The following RASSF3 variants were observed in gnomAD, a reference collection of about 807,000 sequenced individuals.
The protein encoded by RASSF3 is Ras association domain family member 3, also known as ras association domain-containing protein 3.
RASSF3 carries 19 observed loss-of-function variants against 19.9 expected under a neutral mutation model. That is an observed-to-expected ratio of 0.96 (90% confidence interval 0.67 to 1.40). The LOEUF is 1.40. Ranked by LOEUF, RASSF3 falls within the 40% of genes most tolerant of loss-of-function variation. The pLI is 0.00. For missense variants in RASSF3, 306 were observed against 289.8 expected (o/e 1.06, Z -0.41); for synonymous variants, 110 against 104.2 (o/e 1.06, Z -0.34).
Position 64,552,525 on chromosome 12 carries a change from C to T in RASSF3, c.294+10820C>T, listed in dbSNP as rs116761885. Among the ~76,000 whole-genome samples the T allele has an allele frequency of 1.4e-3, 217 of 152,218 alleles. 1 individual carries two copies. Among genetic ancestry groups the T allele is most frequent in the African/African-American group, 4.7e-3 (197 of 41,516 alleles). On this transcript the variant is annotated intron_variant, in intron 2 of 5. Transcript: ENST00000637125. The stretch of plus-strand genomic sequence containing the variant: ...CTATTTTTCCTAAGGCTCTCCCTCC[C>T]GCTACCCCACCTCCTGACAGGCCCC...
At chr12:64,524,944 T>C (rs1868554324) in intron 1 of RASSF3, among the ~76,000 whole-genome samples, 1 of 152,150 alleles carries the variant, frequency 6.6e-6, no homozygotes, top group South Asian at 2.1e-4. Context: ...AATATTTTCT[T>C]TCATTTGCTC....
rs1868352134 is a variant in RASSF3, at chr12:64,696,045, T to TC, written c.*1134dup. On this transcript the variant is annotated 3_prime_UTR_variant, in exon 5 of 5. Coordinates refer to ENST00000542104, the MANE Select transcript of RASSF3 (RefSeq NM_178169.4). ...TTTCCTTTTCCTTTCTTCCCTTTTT[T>TC]CTTTCCTTCCCTGCTGTCTCCCACC... 6.8e-6 allele frequency: 1 copy of TC among 147,194 alleles called. No individual in the cohort carries two copies. The highest frequency in any genetic ancestry group is 1.5e-5 in the Non-Finnish European group (1 of 66,776). 9.1% of individuals were successfully genotyped at this position (147,194 alleles called of 1,614,324 possible).
chr12:64,566,983 T>C (rs1869442912), intron 2 of RASSF3, among the ~76,000 whole-genome samples: 1 of 152,246 alleles, frequency 6.6e-6, no homozygotes, highest in South Asian at 2.1e-4. Context: ...TCCTATCCTT[T>C]GGCAGATCAG....
chr12:64,682,435 C>T (rs575512660), intron 1 of RASSF3, among the ~76,000 whole-genome samples: 100 of 151,936 alleles, frequency 6.6e-4, no homozygotes, highest in African/African-American at 2.0e-3. Context: ...GGCGTGGTGG[C>T]GGGCGCCTGT....
At chr12:64,556,868 G>T (rs1253211740) in intron 2 of RASSF3, among the ~76,000 whole-genome samples, 13 of 112,748 alleles carry the variant, frequency 1.2e-4, no homozygotes, top group Admixed American at 4.9e-4. Flanking sequence ...GACAAGTCTT[G>T]CTCCGTCGCC....
chr12:64,610,567 C>T lies in RASSF3; in HGVS notation c.-66C>T, dbSNP rs1016062231. ...CCGGGAACCTCGCGGGGCTGGCGGG[C>T]GCCGCACCCCCTCCCTGGCCGCCTG... On this transcript the variant is annotated 5_prime_UTR_variant, in exon 1 of 5. Transcript: ENST00000542104. The T allele has an allele frequency of 2.2e-4, 183 of 820,912 alleles. 1 individual carries two copies. The highest frequency in any genetic ancestry group is 2.9e-4 in the Non-Finnish European group (177 of 605,588). 50.9% of individuals were successfully genotyped at this position (820,912 alleles called of 1,614,324 possible). A position where few individuals can be genotyped will look rare whatever the true frequency, so the allele number is the denominator to read the frequency against.
At chr12:64,562,560 G>A (rs555350363) in intron 2 of RASSF3, among the ~76,000 whole-genome samples, 7 of 152,172 alleles carry the variant, frequency 4.6e-5, no homozygotes, top group African/African-American at 1.7e-4. Flanking sequence ...ATGCTCCTCT[G>A]CAGCTAGTTG....
chr12:64,542,025 CG>C (rs766014491), downstream of RASSF3, among the ~76,000 whole-genome samples: 29 of 151,910 alleles, frequency 1.9e-4, no homozygotes, highest in Non-Finnish European at 3.5e-4. Flanking sequence ...CTTCCTGCTG[CG>C]GAAAATAGGA....
chr12:64,688,704 G>A (rs693179), intron 3 of RASSF3, among the ~76,000 whole-genome samples: 2 of 151,752 alleles, frequency 1.3e-5, no homozygotes, highest in Non-Finnish European at 2.9e-5. Context: ...GTATTTTGTG[G>A]TGTTGGTGGG....
At chr12:64,680,714 A>G (rs1351020656) in intron 1 of RASSF3, among the ~76,000 whole-genome samples, 1 of 151,904 alleles carries the variant, frequency 6.6e-6, no homozygotes, top group African/African-American at 2.4e-5. Context: ...CCCGGTTTCA[A>G]GCGATTCTCC....
chr12:64,624,469 C>A (rs751864778), intron 1 of RASSF3, among the ~76,000 whole-genome samples: 13 of 151,664 alleles, frequency 8.6e-5, no homozygotes, highest in Non-Finnish European at 1.6e-4. Context: ...GAGACAGGGT[C>A]TCACTATGTT....
intron 1 of RASSF3, among the ~76,000 whole-genome samples, chr12:64,631,275 A>G (rs1871157343): frequency 6.6e-6 from 1 of 152,164 alleles, no homozygotes; most frequent in Non-Finnish European, 1.5e-5. Context: ...GGGCTTGGCC[A>G]TGGGACAAGT....
chr12:64,631,413 A>T (rs1002145615), intron 1 of RASSF3, among the ~76,000 whole-genome samples: 56 of 152,228 alleles, frequency 3.7e-4, no homozygotes, highest in African/African-American at 1.3e-3. Context: ...AATAGTGCAG[A>T]GGAAGCAGGA....
intron 1 of RASSF3, among the ~76,000 whole-genome samples, chr12:64,623,182 A>G (rs1356802087): frequency 2.0e-5 from 3 of 152,158 alleles, no homozygotes; most frequent in Non-Finnish European, 2.9e-5. Flanking sequence ...TTGCCAGCAA[A>G]GTCATAGGAG....
intron 1 of RASSF3, among the ~76,000 whole-genome samples, chr12:64,625,302 C>T (rs1200354078): frequency 2.6e-5 from 4 of 152,132 alleles, no homozygotes; most frequent in Admixed American, 1.3e-4. Flanking sequence ...CTGCTGACCA[C>T]GCCTGGGGGC....
intron 2 of RASSF3, among the ~76,000 whole-genome samples, chr12:64,549,304 G>GTT (rs1869118415): frequency 6.6e-6 from 1 of 152,108 alleles, no homozygotes; most frequent in Non-Finnish European, 1.5e-5. Flanking sequence ...TTTGAGAACT[G>GTT]CCTGGACAAC....
At chr12:64,625,684 G>A (rs114053935) in intron 1 of RASSF3, among the ~76,000 whole-genome samples, 2,178 of 152,282 alleles carry the variant, frequency 0.014, 56 homozygotes, top group African/African-American at 0.05. Flanking sequence ...ATAACGTGCT[G>A]CAAAGGCAGA....
At chr12:64,677,409 A>G (rs961105217) in intron 1 of RASSF3, among the ~76,000 whole-genome samples, 1 of 152,122 alleles carries the variant, frequency 6.6e-6, no homozygotes, top group African/African-American at 2.4e-5. Context: ...AATTTTTTGT[A>G]GGTGCATACC....
At chr12:64,550,559 C>T (rs895635337) in intron 2 of RASSF3, among the ~76,000 whole-genome samples, 17 of 151,814 alleles carry the variant, frequency 1.1e-4, no homozygotes, top group African/African-American at 2.4e-4. Context: ...CAGAGGCTGA[C>T]GTAGGAGATT....
Sources: allele counts gnomAD v4.1 joint callset (sites outside exome capture counted in the v4.1 genomes callset), GRCh38; gene constraint gnomAD v4.1.1; transcripts MANE v1.5; gene names NCBI Gene and HGNC (gene_info 2026-07-23, HGNC 2026-07-21).